Variants in CDH13 observed in about 807,000 individuals in gnomAD.
The protein encoded by CDH13 is cadherin 13.
In CDH13, 24 loss-of-function variants were observed where a neutral mutation model predicts 63.8. That is an observed-to-expected ratio of 0.38 (90% CI 0.27 to 0.53). The LOEUF is 0.53. Among genes scored for constraint, CDH13 ranks in the 20% least tolerant of loss-of-function variants. The pLI is 0.85. For synonymous variants in CDH13, 503 were observed against 355.3 expected (o/e 1.42, Z -4.67); for missense variants, 1,049 against 903.1 (o/e 1.16, Z -2.07).
At chr16:83,008,574 G>T (rs1174403291) in intron 2 of CDH13, among the ~76,000 whole-genome samples, 2 of 152,182 alleles carry the variant, frequency 1.3e-5, no homozygotes, top group Non-Finnish European at 2.9e-5. Flanking sequence ...TAATTAGGTG[G>T]TTTTCAGTAG....
intron 7 of CDH13, among the ~76,000 whole-genome samples, chr16:83,527,254 C>T (rs2074985295): frequency 6.6e-6 from 1 of 152,012 alleles, no homozygotes; most frequent in Non-Finnish European, 1.5e-5. Context: ...TGGAGACCAT[C>T]CTAGCCAACA....
intron 7 of CDH13, among the ~76,000 whole-genome samples, chr16:83,517,137 G>A (rs1292557635): frequency 6.6e-6 from 1 of 152,198 alleles, no homozygotes; most frequent in Non-Finnish European, 1.5e-5. Context: ...TACAGTTCTA[G>A]CATAAAAGGA....
At position 82,644,008 on chromosome 16, in the gene CDH13, C is replaced by G. The variant is rs561747743; in HGVS notation, c.45+16871C>G. Among the ~76,000 whole-genome samples the G allele has an allele frequency of 2.6e-5, 4 of 152,156 alleles. No homozygotes were observed. In the South Asian group the frequency reaches 6.2e-4, roughly 24 times the overall value. ...CAAGTGATCCTCCAGGAGTAGCTGG[C>G]ATTACAGGCTTGGCTGACTTTTAAA... is the stretch of plus-strand genomic sequence containing the variant. On this transcript the variant is annotated intron_variant, in intron 1 of 13. Transcript: ENST00000567109. This position sits in a 1 kb window ranked among gnomAD's most constrained non-coding sequence, Gnocchi z 5.7.
chr16:83,095,179 C>T (rs530862345), intron 3 of CDH13, among the ~76,000 whole-genome samples: 1 of 152,242 alleles, frequency 6.6e-6, no homozygotes, highest in South Asian at 2.1e-4. Context: ...GTGGCTGATG[C>T]CAAGCTACAA....
chr16:83,547,998 G>T (rs2075419759), intron 7 of CDH13, among the ~76,000 whole-genome samples: 1 of 152,170 alleles, frequency 6.6e-6, no homozygotes, highest in African/African-American at 2.4e-5. Flanking sequence ...CAGAGCACAG[G>T]AAAGCTTTTG....
intron 3 of CDH13, among the ~76,000 whole-genome samples, chr16:83,071,684 AG>A (rs2032449443): frequency 6.6e-6 from 1 of 152,224 alleles, no homozygotes; most frequent in Non-Finnish European, 1.5e-5. Flanking sequence ...TCATAAACAT[AG>A]AAAAGTAAGT....
At chr16:82,728,081 T>G (rs1567472218) in intron 1 of CDH13, among the ~76,000 whole-genome samples, 1 of 152,156 alleles carries the variant, frequency 6.6e-6, no homozygotes, top group African/African-American at 2.4e-5. Context: ...CAGGGTAATA[T>G]GAATACCTTA....
chr16:83,260,942 G>C (rs1906914109), intron 5 of CDH13, among the ~76,000 whole-genome samples: 1 of 152,040 alleles, frequency 6.6e-6, no homozygotes, highest in Admixed American at 6.6e-5. Flanking sequence ...CATGTATCGG[G>C]GGAGCTCTGG....
intron 1 of CDH13, among the ~76,000 whole-genome samples, chr16:82,776,342 A>G (rs1197163264): frequency 2.0e-5 from 3 of 152,192 alleles, no homozygotes; most frequent in African/African-American, 7.2e-5. Flanking sequence ...TATCTATGCC[A>G]TATGCTTTTG....
intron 1 of CDH13, among the ~76,000 whole-genome samples, chr16:82,797,774 C>CGTGTGTGTGTGTGTGTGTGT (rs3046484): frequency 1.1e-4 from 16 of 145,648 alleles, no homozygotes; most frequent in South Asian, 2.3e-4. Flanking sequence ...ACTTTAGGGC[C>CGTGTGTGTGTGTGTGTGTGT]GTGTGTGTGT....
intron 1 of CDH13, among the ~76,000 whole-genome samples, chr16:82,813,868 T>G (rs1414773374): frequency 1.3e-5 from 2 of 152,196 alleles, no homozygotes; most frequent in Admixed American, 6.5e-5. Flanking sequence ...CTCAGATGAT[T>G]GTGGGACCTT....
intron 5 of CDH13, among the ~76,000 whole-genome samples, chr16:83,279,901 A>T (rs1567560314): frequency 6.6e-6 from 1 of 151,952 alleles, no homozygotes; most frequent in East Asian, 1.9e-4. Flanking sequence ...ACTGCAATGT[A>T]GTAAGTATGC....
chr16:82,682,874 C>T (rs1303300737), intron 1 of CDH13, among the ~76,000 whole-genome samples: 3 of 152,148 alleles, frequency 2.0e-5, no homozygotes, highest in Non-Finnish European at 4.4e-5. Context: ...GACCCAGCCA[C>T]AGTTAGGAAT....
chr16:82,794,909 G>C (rs1005166195), intron 1 of CDH13, among the ~76,000 whole-genome samples: 1 of 152,166 alleles, frequency 6.6e-6, no homozygotes, highest in African/African-American at 2.4e-5. Flanking sequence ...TTGTTTCCAA[G>C]ATTCAGGACT....
chr16:83,063,629 G>T lies in CDH13; in HGVS notation c.366+31411G>T, dbSNP rs139684707. 2.1e-3 allele frequency among the ~76,000 whole-genome samples: 313 copies of T among 152,312 alleles called. 1 individual carries two copies. The highest frequency in any genetic ancestry group is 0.013 in the South Asian group (61 of 4,822). On this transcript the variant is annotated intron_variant, in intron 3 of 13. Transcript: ENST00000567109. Reference sequence around the variant, plus strand: ...AGGGTGTCTGGATTAGGGAGATGTTGTTTATCTCTACTAGTTTCCTGTTAA... The same window carrying T: ...AGGGTGTCTGGATTAGGGAGATGTTTTTTATCTCTACTAGTTTCCTGTTAA...
intron 7 of CDH13, among the ~76,000 whole-genome samples, chr16:83,567,229 C>T (rs935214900): frequency 6.6e-6 from 1 of 152,208 alleles, no homozygotes; most frequent in Admixed American, 6.5e-5. Flanking sequence ...TCTCTAAAAC[C>T]ATTGACTTCT....
intron 6 of CDH13, among the ~76,000 whole-genome samples, chr16:83,486,209 T>C (rs939797237): frequency 6.6e-6 from 1 of 152,068 alleles, no homozygotes; most frequent in African/African-American, 2.4e-5. Context: ...AAATAAACAG[T>C]GTATCACCAG....
intron 1 of CDH13, among the ~76,000 whole-genome samples, chr16:82,791,768 C>G (rs1486133297): frequency 6.6e-6 from 1 of 152,212 alleles, no homozygotes; most frequent in East Asian, 1.9e-4. Context: ...TTCGTCCTAA[C>G]TGGGCTGAAC....
chr16:83,226,232 T>C (rs1407179346), intron 5 of CDH13, among the ~76,000 whole-genome samples: 1 of 152,204 alleles, frequency 6.6e-6, no homozygotes, highest in Non-Finnish European at 1.5e-5. Flanking sequence ...CAGGTGCAGC[T>C]GGCGAAACTG....
Sources: allele counts gnomAD v4.1 joint callset (sites outside exome capture counted in the v4.1 genomes callset), GRCh38; gene constraint gnomAD v4.1.1; non-coding constraint Gnocchi (gnomAD v3.1); transcripts MANE v1.5; gene names NCBI Gene and HGNC (gene_info 2026-07-23, HGNC 2026-07-21).